Variants in ATXN1 observed in about 807,000 individuals in gnomAD.
The protein encoded by ATXN1 is ataxin 1.
In ATXN1, 8 loss-of-function variants were observed where a neutral mutation model predicts 56.4. The observed-to-expected ratio is 0.14, with a 90% CI of 0.08 to 0.26. The LOEUF (loss-of-function observed/expected upper bound fraction) is 0.26. Ranked by LOEUF, ATXN1 falls within the 10% of genes least tolerant of loss-of-function variation. The pLI is 1.00. For synonymous variants in ATXN1, 514 were observed against 494.6 expected, an observed-to-expected ratio of 1.04 and a Z score of -0.52; for missense variants, 987 against 1,106.5, an observed-to-expected ratio of 0.89 and a Z score of 1.53.
At chr6:16,654,741 G>C (rs1158701089) in intron 3 of ATXN1, among the ~76,000 whole-genome samples, 2 of 151,950 alleles carry the variant, frequency 1.3e-5, no homozygotes, top group African/African-American at 4.8e-5. Flanking sequence ...AGCATAAATG[G>C]AGAGGAAGAT....
chr6:16,705,420 G>T (rs666215), intron 2 of ATXN1, among the ~76,000 whole-genome samples: 126,393 of 152,130 alleles, frequency 0.83, 52,796 homozygotes, highest in East Asian at 1. Context: ...CACGGAGGCC[G>T]TTCCTGAGAT....
At chr6:16,432,439 C>T (rs182857210) in intron 6 of ATXN1, 3 of 152,256 alleles carry the variant, frequency 2.0e-5, no homozygotes, top group African/African-American at 4.8e-5. Flanking sequence ...CTTTTCTTTC[C>T]TAAAGCTTAT....
chr6:16,449,952 C>T (rs1412178688), intron 6 of ATXN1, among the ~76,000 whole-genome samples: 1 of 152,230 alleles, frequency 6.6e-6, no homozygotes, highest in African/African-American at 2.4e-5. Flanking sequence ...CTGTGTTCAT[C>T]ACAAAGCTTC....
chr6:16,493,365 C>T (rs1029490930), intron 5 of ATXN1, among the ~76,000 whole-genome samples: 4 of 152,090 alleles, frequency 2.6e-5, no homozygotes, highest in Non-Finnish European at 5.9e-5. Flanking sequence ...AAAATGTAAG[C>T]CAGACCTCCC....
At chr6:16,698,436 A>G (rs1335547724) in intron 2 of ATXN1, among the ~76,000 whole-genome samples, 1 of 152,114 alleles carries the variant, frequency 6.6e-6, no homozygotes, top group East Asian at 1.9e-4. Flanking sequence ...TAAACAAATA[A>G]ACCTTTTGCT....
intron 6 of ATXN1, among the ~76,000 whole-genome samples, chr6:16,392,888 A>T (rs576070871): frequency 1.3e-5 from 2 of 152,236 alleles, no homozygotes; most frequent in African/African-American, 4.8e-5. Flanking sequence ...TAAACTTGTT[A>T]CAAATGCAAA....
At chr6:16,745,018 TA>T (rs1760476027) in intron 2 of ATXN1, among the ~76,000 whole-genome samples, 1 of 152,134 alleles carries the variant, frequency 6.6e-6, no homozygotes, top group South Asian at 2.1e-4. Context: ...TTGCTAATTG[TA>T]AAAAGAACAA....
chr6:16,593,541 T>G (rs1194703354), intron 3 of ATXN1, among the ~76,000 whole-genome samples: 4 of 152,220 alleles, frequency 2.6e-5, no homozygotes, highest in Admixed American at 6.5e-5. Flanking sequence ...AGGGGTATTT[T>G]GATCCATCTA....
rs961859279 is a variant in ATXN1 at position 16,496,225 on chromosome 6, G to A, written c.-298-10116C>T. ...ATTGAAAACTTCTCTTTTTTTGGAG[G>A]AGGCTTCATAAAAGCATTCTAGCTT... is the stretch of plus-strand genomic sequence containing the variant. On this transcript the variant is annotated intron_variant, in intron 5 of 7. Transcript: ENST00000436367. Among the ~76,000 whole-genome samples the A allele has an allele frequency of 5.3e-5, 8 of 152,010 alleles. No homozygotes were observed. In the East Asian group the frequency reaches 7.7e-4, roughly 15 times the overall value.
At chr6:16,685,435 G>T (rs1413441574) in intron 2 of ATXN1, among the ~76,000 whole-genome samples, 1 of 151,988 alleles carries the variant, frequency 6.6e-6, no homozygotes, top group African/African-American at 2.4e-5. Flanking sequence ...GAGTTCCCCC[G>T]CCCACAGACT....
At chr6:16,587,532 A>G (rs1762646575) in intron 3 of ATXN1, among the ~76,000 whole-genome samples, 1 of 152,226 alleles carries the variant, frequency 6.6e-6, no homozygotes, top group Admixed American at 6.5e-5. Context: ...CTCCTTTTGT[A>G]TATGTGTAGG....
At chr6:16,579,480 G>C (rs1185697362) in intron 4 of ATXN1, among the ~76,000 whole-genome samples, 9 of 21,882 alleles carry the variant, frequency 4.1e-4, no homozygotes, top group South Asian at 4.0e-3. Flanking sequence ...CTTGGTCAAA[G>C]CCCCCCCCCC....
intron 5 of ATXN1, among the ~76,000 whole-genome samples, chr6:16,507,747 A>G (rs1452187353): frequency 6.6e-6 from 1 of 152,200 alleles, no homozygotes; most frequent in Non-Finnish European, 1.5e-5. Context: ...GCATGTTTAT[A>G]TAACAGCCAC....
intron 4 of ATXN1, among the ~76,000 whole-genome samples, chr6:16,560,291 A>T (rs1762092420): frequency 6.6e-6 from 1 of 151,944 alleles, no homozygotes; most frequent in Non-Finnish European, 1.5e-5. Flanking sequence ...TTTGCTGGGC[A>T]TGGTGGCAGG....
chr6:16,416,091 CAAAAAAAA>C (rs372133593), intron 6 of ATXN1, among the ~76,000 whole-genome samples: 3 of 110,536 alleles, frequency 2.7e-5, no homozygotes, highest in African/African-American at 6.7e-5. Context: ...ACCAAGCTTT[CAAAAAAAA>C]AAAAAAAAAA....
rs200111316 is a variant in ATXN1, at chr6:16,327,669, C to A, written c.642G>T (p.Gln214His). The A allele has an allele frequency of 2.4e-3, 3,682 of 1,504,756 alleles. 14 individuals carry two copies. In the East Asian group the frequency reaches 0.047, roughly 19 times the overall value. The allele number at this position is 1,504,756 out of a possible 1,614,324, so 93.2% of individuals were successfully genotyped here. The change falls in exon 7 of 8, where the codon CAG becomes CAT. Residue 214 changes from glutamine (Q) to histidine (H), a missense_variant. Around this residue, in one of 3 missense-constraint regions of ATXN1, gnomAD observed 723 missense variants for 791.7 expected, o/e 0.91. Transcript: ENST00000436367. ...GCTGCTGCTGCTGCTGCTGCTGCTGCTGCTGCTGATGCTGATGCTGCTGCT... is the reference window on the plus strand; with the variant it reads ...GCTGCTGCTGCTGCTGCTGCTGCTGATGCTGCTGATGCTGATGCTGCTGCT... ...QQQQQHQHQQQQQQQQQQQQQ... is the reference protein window; with the variant it reads ...QQQQQHQHQQHQQQQQQQQQQ...
chr6:16,315,213 T>C (rs1760482535), intron 7 of ATXN1, among the ~76,000 whole-genome samples: 1 of 152,154 alleles, frequency 6.6e-6, no homozygotes. Context: ...GGCCATCCCA[T>C]GTTCTTCCCC....
intron 6 of ATXN1, among the ~76,000 whole-genome samples, chr6:16,341,012 G>A (rs1028592916): frequency 6.6e-6 from 1 of 152,196 alleles, no homozygotes; most frequent in Non-Finnish European, 1.5e-5. Context: ...TTGGAGCAAT[G>A]GGGGAACACA....
intron 4 of ATXN1, among the ~76,000 whole-genome samples, chr6:16,578,263 T>C (rs1405910929): frequency 6.6e-6 from 1 of 152,230 alleles, no homozygotes; most frequent in Admixed American, 6.5e-5. Flanking sequence ...TTTTGAGAGA[T>C]ATGATGTTCC....
Sources: allele counts gnomAD v4.1 joint callset (sites outside exome capture counted in the v4.1 genomes callset), GRCh38; gene constraint gnomAD v4.1.1; regional missense constraint gnomAD v4.1.1; transcripts MANE v1.5; gene names NCBI Gene and HGNC (gene_info 2026-07-23, HGNC 2026-07-21).